The following ANKRD45 variants were observed in gnomAD, a reference collection of about 807,000 sequenced individuals.
ANKRD45 encodes ankyrin repeat domain-containing protein 45.
Under a neutral mutation model 28.1 loss-of-function variants are expected in ANKRD45, and 21 were observed. That is an observed-to-expected ratio of 0.75 (90% confidence interval 0.53 to 1.08). The LOEUF is 1.08. ANKRD45 is among the 50% of genes least tolerant of loss of function. ANKRD45 has a pLI of 0.00. For missense variants in ANKRD45, 261 were observed against 308.7 expected (o/e 0.85, Z 1.16); for synonymous variants, 86 against 103.9 (o/e 0.83, Z 1.05).
intron 5 of ANKRD45, among the ~76,000 whole-genome samples, chr1:173,624,524 G>A (rs1218308457): frequency 1.3e-5 from 2 of 151,378 alleles, no homozygotes; most frequent in African/African-American, 4.9e-5. Context: ...CAAAGCTACA[G>A]TAATCCCATA....
the ANKRD45 span, among the ~76,000 whole-genome samples, chr1:173,677,383 A>C: frequency 6.6e-6 from 1 of 152,220 alleles, no homozygotes; most frequent in Non-Finnish European, 1.5e-5. Context: ...ATGCTTAAAA[A>C]ACAAACCATA....
chr1:173,615,601 ATGACAAATAC>A (rs1182768500), intron 5 of ANKRD45, among the ~76,000 whole-genome samples: 2 of 152,220 alleles, frequency 1.3e-5, no homozygotes, highest in Non-Finnish European at 2.9e-5. Flanking sequence ...AAAAAAGACA[ATGACAAATAC>A]TGACAAAGAT....
the ANKRD45 span, among the ~76,000 whole-genome samples, chr1:173,703,195 T>C: frequency 6.7e-6 from 1 of 148,516 alleles, no homozygotes; most frequent in South Asian, 2.1e-4. Context: ...ACCACTCCAC[T>C]ATACCCAGCT....
At chr1:173,635,552 T>C (rs1254510907) in intron 3 of ANKRD45, 11 of 1,532,712 alleles carry the variant, frequency 7.2e-6, no homozygotes, top group Non-Finnish European at 9.6e-6. Context: ...GCTGATTTTT[T>C]CTCTGTTGTT....
At chr1:173,666,753 T>TA (rs200629161) in intron 1 of ANKRD45, among the ~76,000 whole-genome samples, 1 of 151,856 alleles carries the variant, frequency 6.6e-6, no homozygotes, top group Non-Finnish European at 1.5e-5. Context: ...AAATAGCATT[T>TA]AAAAAAAATT....
intron 1 of ANKRD45, among the ~76,000 whole-genome samples, chr1:173,665,686 G>T (rs1172842595): frequency 1.3e-5 from 2 of 152,008 alleles, no homozygotes; most frequent in Non-Finnish European, 2.9e-5. Context: ...GTTTATATGA[G>T]TTATATCTAA....
the ANKRD45 span, among the ~76,000 whole-genome samples, chr1:173,704,233 CCCCAT>C: frequency 6.6e-6 from 1 of 151,782 alleles, no homozygotes; most frequent in South Asian, 2.1e-4. Context: ...ACATAGATGT[CCCCAT>C]CCCATGTGTC....
chr1:173,699,610 A>G, the ANKRD45 span, among the ~76,000 whole-genome samples: 1 of 152,190 alleles, frequency 6.6e-6, no homozygotes, highest in African/African-American at 2.4e-5. Flanking sequence ...AGGCCTGACA[A>G]AATTCAACAA....
chr1:173,622,265 T>A (rs978193696), intron 5 of ANKRD45, among the ~76,000 whole-genome samples: 5 of 152,146 alleles, frequency 3.3e-5, no homozygotes, highest in Non-Finnish European at 5.9e-5. Flanking sequence ...CTATTCCCAT[T>A]AAACTGTCAT....
intron 1 of ANKRD45, among the ~76,000 whole-genome samples, chr1:173,663,014 A>G (rs1209058366): frequency 1.3e-5 from 2 of 151,448 alleles, no homozygotes; most frequent in East Asian, 1.9e-4. Context: ...GTGGAAACTT[A>G]TAATTCTTCA....
the ANKRD45 span, among the ~76,000 whole-genome samples, chr1:173,683,021 C>A: frequency 6.6e-6 from 1 of 151,758 alleles, no homozygotes; most frequent in East Asian, 1.9e-4. Context: ...ACTACAGAGG[C>A]CTTGTTCCCC....
Position 173,637,102 on chromosome 1 carries a change from G to A in ANKRD45, c.496+9744C>T, listed in dbSNP as rs866047655. ...TCACAAAAGAAATCTATCATCTAAGGATTAAAAATTGTTCTTTGGAAACCT... is the reference window on the plus strand; with the variant it reads ...TCACAAAAGAAATCTATCATCTAAGAATTAAAAATTGTTCTTTGGAAACCT... On this transcript the variant is annotated intron_variant, in intron 3 of 5. Transcript: ENST00000333279. The A allele has an allele frequency of 2.4e-5, 28 of 1,156,874 alleles. No homozygotes were observed. In the Middle Eastern group the frequency reaches 3.1e-3, roughly 129 times the overall value. The allele number at this position is 1,156,874 out of a possible 1,614,324, so 71.7% of individuals were successfully genotyped here.
At chr1:173,628,193 G>C (rs1226146228) in intron 3 of ANKRD45, among the ~76,000 whole-genome samples, 1 of 151,336 alleles carries the variant, frequency 6.6e-6, no homozygotes, top group African/African-American at 2.4e-5. Flanking sequence ...GGGTGACCCA[G>C]AACATTCCCC....
intron 5 of ANKRD45, among the ~76,000 whole-genome samples, chr1:173,617,542 C>T (rs987663271): frequency 1.3e-5 from 2 of 152,244 alleles, no homozygotes; most frequent in African/African-American, 4.8e-5. Context: ...TTAAATGGGA[C>T]CCCAATGCAT....
chr1:173,702,310 C>T, the ANKRD45 span, among the ~76,000 whole-genome samples: 24 of 152,132 alleles, frequency 1.6e-4, no homozygotes, highest in African/African-American at 5.1e-4. Context: ...GTAGAAGTAT[C>T]AATGTACCTC....
rs952546741 is a variant in ANKRD45, at chr1:173,609,218, C to T, written c.*927G>A. On this transcript the variant is annotated 3_prime_UTR_variant, in exon 6 of 6. Transcript: ENST00000333279. ...CTCAAAACCATGGTTAAATAAATGTCAACTGACAAAGTATTACTGAATTAC... is the reference window on the plus strand; with the variant it reads ...CTCAAAACCATGGTTAAATAAATGTTAACTGACAAAGTATTACTGAATTAC... Among the ~76,000 whole-genome samples the T allele has an allele frequency of 2.6e-5, 4 of 152,148 alleles. No individual in the cohort carries two copies. The East Asian group carries it at 7.7e-4, about 29-fold the overall frequency.
chr1:173,697,647 C>A, the ANKRD45 span, among the ~76,000 whole-genome samples: 6 of 152,148 alleles, frequency 3.9e-5, no homozygotes, highest in Non-Finnish European at 8.8e-5. Flanking sequence ...GCCTGCCTTA[C>A]AAGAGCTCCT....
At chr1:173,685,295 C>G in the ANKRD45 span, among the ~76,000 whole-genome samples, 1 of 152,344 alleles carries the variant, frequency 6.6e-6, no homozygotes, top group South Asian at 2.1e-4. Flanking sequence ...TCATGAGAGA[C>G]ACAAAGTGAA....
chr1:173,616,640 A>G (rs754313176), intron 5 of ANKRD45, among the ~76,000 whole-genome samples: 43 of 152,180 alleles, frequency 2.8e-4, no homozygotes, highest in Non-Finnish European at 5.6e-4. Flanking sequence ...TGATACGTTC[A>G]CCTTTCTGAT....
Sources: allele counts gnomAD v4.1 joint callset (sites outside exome capture counted in the v4.1 genomes callset), GRCh38; gene constraint gnomAD v4.1.1; transcripts MANE v1.5; gene names NCBI Gene and HGNC (gene_info 2026-07-23, HGNC 2026-07-21).